The following RAC2 variants were observed in gnomAD, a reference collection of about 807,000 sequenced individuals.
RAC2 encodes the protein ras-related C3 botulinum toxin substrate 2.
Under a neutral mutation model 24.0 loss-of-function variants are expected in RAC2, and 1 was observed. That is an observed-to-expected ratio of 0.04 (90% CI 0.01 to 0.20). RAC2 has a LOEUF of 0.20. RAC2 is among the 10% of genes least tolerant of loss of function. The probability of loss-of-function intolerance (pLI) is 1.00; values close to 1 mark genes in which losing one functional copy is unlikely to be tolerated. For missense variants in RAC2, 130 were observed against 259.1 expected, an observed-to-expected ratio of 0.50 and a Z score of 3.42; for synonymous variants, 114 against 106.8, an observed-to-expected ratio of 1.07 and a Z score of -0.41.
At chr22:37,236,455 G>A (rs1398730499) in intron 2 of RAC2, among the ~76,000 whole-genome samples, 1 of 152,236 alleles carries the variant, frequency 6.6e-6, no homozygotes, top group Non-Finnish European at 1.5e-5. Flanking sequence ...AGAGAGGAAG[G>A]GACTTGCCCA....
chr22:37,227,793 G>A (rs947666402), intron 5 of RAC2, among the ~76,000 whole-genome samples: 1 of 151,768 alleles, frequency 6.6e-6, no homozygotes, highest in Non-Finnish European at 1.5e-5. Context: ...CCAGGAGCAA[G>A]GAGTTTAACG....
In RAC2 at chr22:37,231,194, T is replaced by C. The variant is rs9610682; in HGVS notation, c.448+37A>G. On this transcript the variant is annotated intron_variant, in intron 5 of 6. Coordinates refer to ENST00000249071, the MANE Select transcript of RAC2 (RefSeq NM_002872.5). The surrounding 1 kb of genome is among the most constrained non-coding windows in gnomAD (Gnocchi z 5.5). The stretch of plus-strand genomic sequence containing the variant: ...CACGAGGCCAAGTCAGGGCCTCCCC[T>C]GCAGCCAGATCGCCCCTCTGAGCCC... The C allele has an allele frequency of 0.38, 614,033 of 1,608,100 alleles. 119,166 individuals are homozygous for C. Among genetic ancestry groups the C allele is most frequent in the African/African-American group, 0.52 (39,180 of 74,710 alleles).
chr22:37,235,988 A>C (rs890808206), intron 2 of RAC2, among the ~76,000 whole-genome samples: 15 of 152,194 alleles, frequency 9.9e-5, no homozygotes, highest in Admixed American at 9.8e-4. Flanking sequence ...TACCCCCATT[A>C]GACAGATGAG....
chr22:37,226,751 G>C lies in RAC2; in HGVS notation c.501C>G (p.Thr167=). 1 of 1,613,170 alleles carries C rather than the reference G, an allele frequency of 6.2e-7. No homozygotes were observed. The highest frequency in any genetic ancestry group is 8.5e-7 in the Non-Finnish European group (1 of 1,179,594). Residue 167 remains threonine (T), a synonymous_variant, in exon 6 of 7, where the codon ACC becomes ACG. Transcript: ENST00000249071. ...CSALTQRGLK[T]VFDEAIRAVL... ...CGGCCCGGATGGCCTCGTCGAACAC[G>C]GTTTTCAGGCCTCTCTGGGTGAGAG...
chr22:37,238,338 G>A (rs866378031), intron 2 of RAC2, among the ~76,000 whole-genome samples: 2 of 152,082 alleles, frequency 1.3e-5, no homozygotes, highest in South Asian at 4.2e-4. Flanking sequence ...CTAGGCTCAA[G>A]CGATCCTCCC....
In RAC2 at chr22:37,241,614, G is replaced by A; in HGVS notation, c.80C>T (p.Ala27Val). 1 of 1,614,094 alleles carries A rather than the reference G, an allele frequency of 6.2e-7. No individual in the cohort carries two copies. Among genetic ancestry groups the A allele is most frequent in the Non-Finnish European group, 8.5e-7 (1 of 1,179,918 alleles). Residue 27 changes from alanine (A) to valine (V), a missense_variant, in exon 2 of 7, where the codon GCC becomes GTC. Ala to Val is a moderately conservative substitution (Grantham distance 64). This residue lies in a region of RAC2 where 11 missense variants were observed against 67.0 expected (regional missense o/e 0.16). Coordinates refer to ENST00000249071, the MANE Select transcript of RAC2 (RefSeq NM_002872.5). ...GGTGGGGATGTACTCTCCGGGAAAGGCGTTGGTGGTGTAGCTGATGAGAAG... is the reference window on the plus strand; with the variant it reads ...GGTGGGGATGTACTCTCCGGGAAAGACGTTGGTGGTGTAGCTGATGAGAAG... ...TCLLISYTTNAFPGEYIPTVF... is the reference protein window; with the variant it reads ...TCLLISYTTNVFPGEYIPTVF...
intron 2 of RAC2, among the ~76,000 whole-genome samples, chr22:37,236,333 G>T (rs1297760954): frequency 6.6e-6 from 1 of 152,158 alleles, no homozygotes; most frequent in Non-Finnish European, 1.5e-5. Flanking sequence ...ACCCCTGAGG[G>T]TCCCCCTTAC....
intron 2 of RAC2, chr22:37,241,059 G>A (rs774073343): frequency 1.4e-6 from 1 of 730,880 alleles, no homozygotes; most frequent in South Asian, 1.5e-5. Context: ...AGGGGCTGGT[G>A]CCTCCCCAGT....
chr22:37,242,724 G>C (rs535299913), intron 1 of RAC2, among the ~76,000 whole-genome samples: 1 of 152,244 alleles, frequency 6.6e-6, no homozygotes, highest in South Asian at 2.1e-4. Context: ...TGGGGCAGGC[G>C]AGGGCAGATA....
chr22:37,231,162 A>C lies in RAC2; in HGVS notation c.448+69T>G. 6.3e-7 allele frequency: 1 copy of C among 1,581,238 alleles called. No homozygotes were observed. Among genetic ancestry groups the C allele is most frequent in the Non-Finnish European group, 8.7e-7 (1 of 1,153,016 alleles). ...CCTGGCCCTGCAGCCCGTGTTTACA[A>C]TCACACCACGAGGCCAAGTCAGGGC... On this transcript the variant is annotated intron_variant, in intron 5 of 6. Coordinates refer to ENST00000249071, the MANE Select transcript of RAC2 (RefSeq NM_002872.5). This position sits in a 1 kb window ranked among gnomAD's most constrained non-coding sequence, Gnocchi z 5.5.
chr22:37,231,712 A>G lies in RAC2; in HGVS notation c.288+220T>C, dbSNP rs1432237620. ...GTGTGGGGAGGAGGAGAATGCAGCC[A>G]TGGAAAGTGGGGGTATAGCTAACTA... On this transcript the variant is annotated intron_variant, in intron 4 of 6. Coordinates refer to ENST00000249071, the MANE Select transcript of RAC2 (RefSeq NM_002872.5). The surrounding 1 kb of genome is among the most constrained non-coding windows in gnomAD (Gnocchi z 5.5). Among the ~76,000 whole-genome samples, 1 of 151,978 alleles carries G rather than the reference A, an allele frequency of 6.6e-6. No individual in the cohort carries two copies. Among genetic ancestry groups the G allele is most frequent in the Non-Finnish European group, 1.5e-5 (1 of 67,952 alleles).
In RAC2 at chr22:37,240,233, C is replaced by T. The variant is rs540044169; in HGVS notation, c.107+1354G>A. 3.3e-5 allele frequency among the ~76,000 whole-genome samples: 5 copies of T among 152,322 alleles called. No individual in the cohort carries two copies. The South Asian group carries it at 1.0e-3, about 32-fold the overall frequency. On this transcript the variant is annotated intron_variant, in intron 2 of 6. Coordinates refer to ENST00000249071, the MANE Select transcript of RAC2 (RefSeq NM_002872.5). The stretch of plus-strand genomic sequence containing the variant: ...GCTCCAGGCTCTCTTCTCCCTTCTG[C>T]CTGCCCTCCTCTTCCTAGGAGAGCC...
At position 37,231,343 on chromosome 22, in the gene RAC2, C is replaced by A; in HGVS notation, c.336G>T (p.Leu112=). 1.2e-6 allele frequency: 2 copies of A among 1,614,132 alleles called. No individual in the cohort carries two copies. Among genetic ancestry groups the A allele is most frequent in the South Asian group, 1.1e-5 (1 of 91,084 alleles). ...RHHCPSTPII[L]VGTKLDLRDD... is the part of the protein sequence containing the mutation. Reference sequence around the variant, plus strand: ...CCCGCAGGTCCAGCTTGGTGCCCACCAGGATGATGGGTGTGCTGGGGCAGT... The same window carrying A: ...CCCGCAGGTCCAGCTTGGTGCCCACAAGGATGATGGGTGTGCTGGGGCAGT... The change falls in exon 5 of 7, where the codon CTG becomes CTT. Residue 112 remains leucine, a synonymous_variant. Coordinates refer to ENST00000249071, the MANE Select transcript of RAC2 (RefSeq NM_002872.5). The surrounding 1 kb of genome is among the most constrained non-coding windows in gnomAD (Gnocchi z 5.5).
chr22:37,244,137 G>A lies in RAC2; in HGVS notation c.12C>T (p.Ile4=), dbSNP rs996009169. 1 of 1,614,238 alleles carries A rather than the reference G, an allele frequency of 6.2e-7. No homozygotes were observed. Among genetic ancestry groups the A allele is most frequent in the Non-Finnish European group, 8.5e-7 (1 of 1,180,034 alleles). The change falls in exon 1 of 7, where the codon ATC becomes ATT. Residue 4 remains isoleucine (I), a synonymous_variant. Transcript: ENST00000249071. MQA[I]KCVVVGDGAV... ...ACCCATCTCCCACCACCACACACTT[G>A]ATGGCCTGCATCGTGTCCGGAGCCT... is the stretch of plus-strand genomic sequence containing the variant.
At chr22:37,241,394 C>T (rs372987442) in intron 2 of RAC2, among the ~76,000 whole-genome samples, 193 bp downstream of exon 2, 21 of 152,340 alleles carry the variant, frequency 1.4e-4, no homozygotes, top group South Asian at 1.2e-3. Context: ...TACCCCATCC[C>T]GGGTTCTGGG....
intron 2 of RAC2, among the ~76,000 whole-genome samples, chr22:37,240,435 C>A (rs1419760061): frequency 6.6e-6 from 1 of 152,232 alleles, no homozygotes; most frequent in African/African-American, 2.4e-5. Flanking sequence ...TAATAGCCAT[C>A]TCCCAGGGGG....
intron 2 of RAC2, chr22:37,241,105 C>T: frequency 1.3e-6 from 1 of 775,886 alleles, no homozygotes; most frequent in Non-Finnish European, 2.4e-6. Context: ...CAACACGCTC[C>T]CTCCACGTCC....
At chr22:37,239,888 G>T (rs138329312) in intron 2 of RAC2, among the ~76,000 whole-genome samples, 1 of 152,162 alleles carries the variant, frequency 6.6e-6, no homozygotes, top group Non-Finnish European at 1.5e-5. Context: ...GGCACTTAGA[G>T]GCACCTGATA....
chr22:37,240,830 TG>T, intron 2 of RAC2: 1 of 588,152 alleles, frequency 1.7e-6, no homozygotes, highest in Non-Finnish European at 3.1e-6. Flanking sequence ...AAAAGCACTA[TG>T]GGGAGAGAGA....
Sources: gnomAD v4.1 joint callset for allele counts (sites outside exome capture counted in the v4.1 genomes callset) on GRCh38, gnomAD v4.1.1 for gene constraint, gnomAD v4.1.1 regional missense constraint, Gnocchi (gnomAD v3.1) non-coding constraint, MANE v1.5 for transcripts, NCBI Gene and HGNC (gene_info 2026-07-23, HGNC 2026-07-21) for gene names.